The following PTN variants were observed in gnomAD, a reference collection of about 807,000 sequenced individuals.
The protein encoded by PTN is heparin affin regulatory protein.
A neutral mutation model predicts 24.1 loss-of-function variants in PTN; 18 were observed. That is an observed-to-expected ratio of 0.75 (90% CI 0.52 to 1.11). The LOEUF (loss-of-function observed/expected upper bound fraction) is 1.11. Among genes scored for constraint, PTN ranks in the 50% least tolerant of loss-of-function variants. The pLI, the probability that PTN is intolerant of heterozygous loss-of-function variation, is 0.00. For synonymous variants in PTN, 78 were observed against 68.6 expected (o/e 1.14, Z -0.67); for missense variants, 163 against 198.8 (o/e 0.82, Z 1.08).
intron 4 of PTN, among the ~76,000 whole-genome samples, chr7:137,248,530 A>T (rs1188864698): frequency 6.6e-6 from 1 of 152,180 alleles, no homozygotes; most frequent in Non-Finnish European, 1.5e-5. Context: ...TACTAAAAAG[A>T]CAGAAAAATT....
At chr7:137,265,229 G>A (rs1809119853) in intron 1 of PTN, among the ~76,000 whole-genome samples, 1 of 152,110 alleles carries the variant, frequency 6.6e-6, no homozygotes, top group South Asian at 2.1e-4. Flanking sequence ...GCGTCTAAAT[G>A]GACAGGAGAG....
chr7:137,318,513 T>C (rs993764703), intron 1 of PTN: 1 of 152,234 alleles, frequency 6.6e-6, no homozygotes, highest in African/African-American at 2.4e-5. Context: ...TCGTATATAA[T>C]TTTAAGAAAA....
chr7:137,323,622 C>T (rs542580138), intron 1 of PTN, among the ~76,000 whole-genome samples: 1 of 152,198 alleles, frequency 6.6e-6, no homozygotes, highest in African/African-American at 2.4e-5. Flanking sequence ...AGACAGACAG[C>T]AGTAGATATT....
intron 1 of PTN, among the ~76,000 whole-genome samples, chr7:137,335,824 T>C (rs961247439): frequency 6.6e-6 from 1 of 152,042 alleles, no homozygotes; most frequent in Non-Finnish European, 1.5e-5. Context: ...AATTAAAAAA[T>C]GTGACATGTA....
chr7:137,280,952 G>A (rs1281285689), intron 1 of PTN, among the ~76,000 whole-genome samples: 1 of 151,384 alleles, frequency 6.6e-6, no homozygotes, highest in Non-Finnish European at 1.5e-5. Flanking sequence ...TGCTCCATAG[G>A]GATTAGCAAT....
chr7:137,280,699 C>CAA lies in PTN; in HGVS notation c.-1-25727_-1-25726dup, dbSNP rs58738876. ...CAAAACCCCGTCTCTACTAAAAATA[C>CAA]AAAAAAAAAAAAAAAAAAAAAAAAA... On this transcript the variant is annotated intron_variant, in intron 1 of 4. Transcript: ENST00000348225. 5.0e-4 allele frequency among the ~76,000 whole-genome samples: 22 copies of CAA among 44,348 alleles called. 2 individuals are homozygous for CAA. The highest frequency in any genetic ancestry group is 5.7e-4 in the Non-Finnish European group (14 of 24,732). The allele number at this position is 44,348 out of a possible 152,430, so 29.1% of individuals were successfully genotyped here. A position where few individuals can be genotyped will look rare whatever the true frequency, so the allele number is the denominator to read the frequency against.
intron 1 of PTN, among the ~76,000 whole-genome samples, chr7:137,259,974 A>G (rs1034127213): frequency 1.2e-4 from 18 of 152,074 alleles, no homozygotes; most frequent in African/African-American, 3.9e-4. Flanking sequence ...TATGTCTCCC[A>G]CTTTTTATTT....
chr7:137,315,541 C>A (rs1040916025), intron 1 of PTN, among the ~76,000 whole-genome samples: 11 of 152,142 alleles, frequency 7.2e-5, no homozygotes, highest in Admixed American at 5.2e-4. Flanking sequence ...TTCATCAGTT[C>A]TCTCGTGGGC....
chr7:137,294,553 A>G (rs1177723107), intron 1 of PTN, among the ~76,000 whole-genome samples: 1 of 152,008 alleles, frequency 6.6e-6, no homozygotes, highest in Non-Finnish European at 1.5e-5. Flanking sequence ...CCTACTCCCT[A>G]CCAGGCCATC....
intron 1 of PTN, among the ~76,000 whole-genome samples, chr7:137,268,299 G>A (rs951805324): frequency 2.6e-5 from 4 of 152,128 alleles, no homozygotes; most frequent in Non-Finnish European, 4.4e-5. Flanking sequence ...CGCTTAAGAA[G>A]CTGCCTGGAC....
At chr7:137,228,150 A>G in intron 4 of PTN, 75 bp from the exon 5 acceptor site, 1 of 942,854 alleles carries the variant, frequency 1.1e-6, no homozygotes, top group East Asian at 2.4e-5. Context: ...GGGAAGAAAT[A>G]GCCACATTTC....
intron 1 of PTN, among the ~76,000 whole-genome samples, chr7:137,255,552 T>C (rs935361849): frequency 6.6e-6 from 1 of 152,234 alleles, no homozygotes; most frequent in Non-Finnish European, 1.5e-5. Flanking sequence ...TATTTATTGA[T>C]CTAACAAAGA....
intron 1 of PTN, among the ~76,000 whole-genome samples, chr7:137,336,297 C>G (rs537478977): frequency 1.3e-5 from 2 of 152,106 alleles, no homozygotes; most frequent in African/African-American, 2.4e-5. Flanking sequence ...GCAGCCCATA[C>G]CAAACAACAG....
At chr7:137,323,463 C>T (rs1325968413) in intron 1 of PTN, among the ~76,000 whole-genome samples, 3 of 152,148 alleles carry the variant, frequency 2.0e-5, no homozygotes, top group African/African-American at 7.2e-5. Flanking sequence ...TTTAAAACTT[C>T]ATTTGTTTGC....
At chr7:137,293,901 C>G (rs1809679161) in intron 1 of PTN, among the ~76,000 whole-genome samples, 1 of 151,952 alleles carries the variant, frequency 6.6e-6, no homozygotes, top group African/African-American at 2.4e-5. Context: ...TGTTCCACTG[C>G]CCTAAAGACT....
At position 137,254,922 on chromosome 7, in the gene PTN, A is replaced by G; in HGVS notation, c.52T>C (p.Leu18=). The change falls in exon 2 of 5, where the codon TTG becomes CTG. Residue 18 remains leucine, a synonymous_variant. Transcript: ENST00000348225. ...GCTGCCAGTATGAAAATGAATGCCAAGAAGGCAGCTGCAAATTTTCGACGC... is the reference window on the plus strand; with the variant it reads ...GCTGCCAGTATGAAAATGAATGCCAGGAAGGCAGCTGCAAATTTTCGACGC... ...QQRRKFAAAF[L]AFIFILAAVD... is the part of the protein sequence containing the mutation. 2.5e-6 allele frequency: 4 copies of G among 1,581,856 alleles called. No homozygotes were observed. The highest frequency in any genetic ancestry group is 3.5e-6 in the Non-Finnish European group (4 of 1,156,170).
intron 1 of PTN, among the ~76,000 whole-genome samples, chr7:137,315,114 C>A (rs1037719610): frequency 6.6e-6 from 1 of 152,058 alleles, no homozygotes. Context: ...GCTGTGTTCT[C>A]GGGCTTGACG....
chr7:137,299,059 A>C (rs747435939), intron 1 of PTN, among the ~76,000 whole-genome samples: 1 of 151,972 alleles, frequency 6.6e-6, no homozygotes, highest in Non-Finnish European at 1.5e-5. Flanking sequence ...TGCACTGAGC[A>C]TTCCTACACA....
intron 1 of PTN, among the ~76,000 whole-genome samples, chr7:137,298,403 G>A (rs956723285): frequency 7.3e-5 from 9 of 124,016 alleles, no homozygotes; most frequent in Admixed American, 4.8e-4. Context: ...TTTCTCTAAT[G>A]TGGAAATTTA....
Sources: gnomAD v4.1 joint callset for allele counts (sites outside exome capture counted in the v4.1 genomes callset) on GRCh38, gnomAD v4.1.1 for gene constraint, MANE v1.5 for transcripts, NCBI Gene and HGNC (gene_info 2026-07-23, HGNC 2026-07-21) for gene names.